SSH2: variants seen among roughly 807,000 people sequenced by gnomAD.
SSH2 encodes the protein slingshot protein phosphatase 2.
SSH2 carries 37 observed loss-of-function variants against 135.2 expected under a neutral mutation model. That is an observed-to-expected ratio of 0.27 (90% CI 0.21 to 0.36). The LOEUF (loss-of-function observed/expected upper bound fraction) is 0.36, where lower values mean the gene tolerates loss of function less well. Among genes scored for constraint, SSH2 ranks in the 10% least tolerant of loss-of-function variants. The pLI, the probability that SSH2 is intolerant of heterozygous loss-of-function variation, is 1.00. For synonymous variants in SSH2, 628 were observed against 646.2 expected (o/e 0.97, Z 0.43); for missense variants, 1,408 against 1,765.3 (o/e 0.80, Z 3.63).
chr17:29,649,148 A>C (rs998910359), intron 13 of SSH2, among the ~76,000 whole-genome samples: 4 of 151,992 alleles, frequency 2.6e-5, no homozygotes, highest in Non-Finnish European at 4.4e-5. Context: ...CTCAAAAAAA[A>C]AAAAAATCAG....
intron 3 of SSH2, among the ~76,000 whole-genome samples, chr17:29,749,825 C>T (rs1356152933): frequency 6.6e-6 from 1 of 152,142 alleles, no homozygotes; most frequent in Non-Finnish European, 1.5e-5. Flanking sequence ...CTCCTGGGCT[C>T]AAGAGATTCT....
At position 29,742,500 on chromosome 17, in the gene SSH2, TC is replaced by T. The variant is rs1350283197; in HGVS notation, c.189-39439del. Among the ~76,000 whole-genome samples the T allele has an allele frequency of 3.6e-4, 52 of 146,014 alleles. 1 individual carries two copies. Among genetic ancestry groups the T allele is most frequent in the African/African-American group, 1.1e-3 (41 of 38,956 alleles). ...CACCCAGTTTTTTTTTTTTTTTTTT[TC>T]TTTTCAATTTTTTGTGGAGGTGAGG... On this transcript the variant is annotated intron_variant, in intron 3 of 15. Transcript: ENST00000540801.
Position 29,874,294 on chromosome 17 carries a change from A to C in SSH2, c.64-25365T>G, listed in dbSNP as rs147285911. On this transcript the variant is annotated intron_variant, in intron 1 of 15. Coordinates refer to ENST00000540801, the MANE Select transcript of SSH2 (RefSeq NM_001282129.2). ...TGACAGAGCAACACTCTGTCTCAAAAAAATGGGGAGGGGGTGGGTGGGTTT... is the reference window on the plus strand; with the variant it reads ...TGACAGAGCAACACTCTGTCTCAAACAAATGGGGAGGGGGTGGGTGGGTTT... Among the ~76,000 whole-genome samples the C allele has an allele frequency of 6.1e-3, 926 of 151,568 alleles. 12 individuals are homozygous for C. Among genetic ancestry groups the C allele is most frequent in the African/African-American group, 0.019 (791 of 41,104 alleles).
chr17:29,791,273 A>T (rs2042060801), intron 3 of SSH2, among the ~76,000 whole-genome samples: 1 of 151,828 alleles, frequency 6.6e-6, no homozygotes, highest in Non-Finnish European at 1.5e-5. Context: ...TTTAGCAGAG[A>T]TGGGGTTTCA....
At chr17:29,733,079 G>T (rs1177800419) in intron 3 of SSH2, among the ~76,000 whole-genome samples, 1 of 152,288 alleles carries the variant, frequency 6.6e-6, no homozygotes, top group Non-Finnish European at 1.5e-5. Context: ...TAACACCAGG[G>T]TCTAGCTGGG....
chr17:29,649,527 C>T (rs1393650257), intron 13 of SSH2, among the ~76,000 whole-genome samples: 3 of 152,052 alleles, frequency 2.0e-5, no homozygotes, highest in Non-Finnish European at 2.9e-5. Context: ...GCTGGTATCA[C>T]AGACATGCAC....
At chr17:29,785,411 A>G (rs1164012757) in intron 3 of SSH2, among the ~76,000 whole-genome samples, 1 of 149,130 alleles carries the variant, frequency 6.7e-6, no homozygotes, top group Non-Finnish European at 1.5e-5. Flanking sequence ...GTTCATTTTT[A>G]TTTATCATCT....
intron 1 of SSH2, among the ~76,000 whole-genome samples, chr17:29,900,829 C>T (rs1321966666): frequency 2.0e-5 from 3 of 152,148 alleles, no homozygotes; most frequent in Non-Finnish European, 2.9e-5. Flanking sequence ...CACATGCACA[C>T]GTATGTTCAT....
At chr17:29,793,409 T>C (rs966158529) in intron 3 of SSH2, among the ~76,000 whole-genome samples, 9 of 152,162 alleles carry the variant, frequency 5.9e-5, no homozygotes, top group African/African-American at 2.2e-4. Context: ...ATTTATCAAA[T>C]ATGAATGACA....
Position 29,732,692 on chromosome 17 carries a change from T to C in SSH2, c.189-29630A>G, listed in dbSNP as rs769737558. ...GCAAGGTATGCACACCCATTAAAGA[T>C]AGAAGGAGGCTTCGGCTCATAGCAG... On this transcript the variant is annotated intron_variant, in intron 3 of 15. Coordinates refer to ENST00000540801, the MANE Select transcript of SSH2 (RefSeq NM_001282129.2). Among the ~76,000 whole-genome samples the C allele has an allele frequency of 5.4e-4, 83 of 152,294 alleles. 1 individual carries two copies. Among genetic ancestry groups the C allele is most frequent in the Middle Eastern group, 3.4e-3 (1 of 294 alleles).
chr17:29,837,183 G>A (rs2042956376), intron 2 of SSH2, among the ~76,000 whole-genome samples: 1 of 151,844 alleles, frequency 6.6e-6, no homozygotes, highest in South Asian at 2.1e-4. Context: ...CTTGAACCTG[G>A]GAGGCAGAGG....
intron 1 of SSH2, among the ~76,000 whole-genome samples, chr17:29,923,225 C>T (rs907320732): frequency 2.0e-5 from 3 of 151,978 alleles, no homozygotes; most frequent in African/African-American, 7.3e-5. Flanking sequence ...ATTGTTTATA[C>T]CCTATAATCT....
intron 3 of SSH2, among the ~76,000 whole-genome samples, chr17:29,729,453 A>G (rs1341637052): frequency 6.6e-6 from 1 of 152,248 alleles, no homozygotes; most frequent in Non-Finnish European, 1.5e-5. Flanking sequence ...TGTGTAAACT[A>G]GTACAACCAC....
intron 11 of SSH2, among the ~76,000 whole-genome samples, chr17:29,662,537 C>A (rs2037093343): frequency 6.6e-6 from 1 of 152,168 alleles, no homozygotes; most frequent in Admixed American, 6.5e-5. Flanking sequence ...GGACAAAAAT[C>A]ATGAATGTGA....
At chr17:29,720,804 A>G (rs1246873906) in intron 3 of SSH2, among the ~76,000 whole-genome samples, 1 of 152,212 alleles carries the variant, frequency 6.6e-6, no homozygotes, top group Non-Finnish European at 1.5e-5. Flanking sequence ...GCAAAGTCCA[A>G]ATGACAATTT....
chr17:29,901,413 T>C (rs2066551455), intron 1 of SSH2, among the ~76,000 whole-genome samples: 1 of 152,218 alleles, frequency 6.6e-6, no homozygotes, highest in African/African-American at 2.4e-5. Flanking sequence ...TATTCCTCTG[T>C]TGCAAAGCCT....
At chr17:29,921,910 C>A (rs1240687249) in intron 1 of SSH2, among the ~76,000 whole-genome samples, 1 of 152,086 alleles carries the variant, frequency 6.6e-6, no homozygotes, top group Non-Finnish European at 1.5e-5. Flanking sequence ...CAGTCCCTGA[C>A]TTATAGGTTA....
At chr17:29,863,296 T>C (rs1263739481) in intron 1 of SSH2, 2 of 152,244 alleles carry the variant, frequency 1.3e-5, no homozygotes, top group African/African-American at 4.8e-5. Flanking sequence ...TTCTGTTGTC[T>C]ACCCAACAGT....
At chr17:29,929,807 T>C (rs1356614901) in intron 1 of SSH2, 131 bp downstream of exon 1, 52 of 798,412 alleles carry the variant, frequency 6.5e-5, no homozygotes, top group Admixed American at 4.2e-4. Context: ...TGTGGGGGGG[T>C]TCGCGGCAGC....
Sources: allele counts gnomAD v4.1 joint callset (sites outside exome capture counted in the v4.1 genomes callset), GRCh38; gene constraint gnomAD v4.1.1; transcripts MANE v1.5; gene names NCBI Gene and HGNC (gene_info 2026-07-23, HGNC 2026-07-21).